The following TCF7L1 variants were observed in gnomAD, a reference collection of about 807,000 sequenced individuals.
TCF7L1 encodes the protein transcription factor 7-like 1.
Under a neutral mutation model 63.7 loss-of-function variants are expected in TCF7L1, and 18 were observed. The observed-to-expected ratio is 0.28, with a 90% confidence interval of 0.20 to 0.42. The LOEUF (loss-of-function observed/expected upper bound fraction) is 0.42, where lower values mean the gene tolerates loss of function less well. Among genes scored for constraint, TCF7L1 ranks in the 10% least tolerant of loss-of-function variants. The pLI is 1.00. For synonymous variants in TCF7L1, 355 were observed against 340.9 expected, an observed-to-expected ratio of 1.04 and a Z score of -0.46; for missense variants, 654 against 779.3, an observed-to-expected ratio of 0.84 and a Z score of 1.91.
intron 3 of TCF7L1, among the ~76,000 whole-genome samples, chr2:85,161,144 T>C (rs1678277162): frequency 6.6e-6 from 1 of 152,128 alleles, no homozygotes; most frequent in Admixed American, 6.5e-5. Context: ...CTGTAACAGC[T>C]TCAACGCATG....
chr2:85,156,522 C>T (rs1678150099), intron 3 of TCF7L1, among the ~76,000 whole-genome samples: 1 of 152,132 alleles, frequency 6.6e-6, no homozygotes, highest in South Asian at 2.1e-4. Flanking sequence ...GGGGCCAGTG[C>T]GTTTATGCAC....
At chr2:85,136,510 C>T (rs906586804) in intron 3 of TCF7L1, among the ~76,000 whole-genome samples, 6 of 152,206 alleles carry the variant, frequency 3.9e-5, no homozygotes, top group Non-Finnish European at 7.3e-5. Flanking sequence ...CCTTGTTCAT[C>T]TCTGCAGTTG....
chr2:85,273,526 G>T (rs141172334), intron 3 of TCF7L1, among the ~76,000 whole-genome samples: 1 of 152,242 alleles, frequency 6.6e-6, no homozygotes, highest in African/African-American at 2.4e-5. Flanking sequence ...GTATGGGCAA[G>T]GGTGTGGGGA....
chr2:85,158,946 T>C (rs917022057), intron 3 of TCF7L1, among the ~76,000 whole-genome samples: 14 of 152,148 alleles, frequency 9.2e-5, no homozygotes, highest in Non-Finnish European at 1.8e-4. Context: ...AGAATGTGTC[T>C]TTAAATCTAC....
intron 3 of TCF7L1, among the ~76,000 whole-genome samples, chr2:85,161,087 C>A (rs1174416593): frequency 2.0e-5 from 3 of 152,150 alleles, no homozygotes; most frequent in Non-Finnish European, 4.4e-5. Context: ...TTACCGTATG[C>A]CTTGTCCTCA....
Position 85,134,480 on chromosome 2 carries a change from G to C in TCF7L1, c.441+30G>C. 1.3e-6 allele frequency: 2 copies of C among 1,545,510 alleles called. No homozygotes were observed. The highest frequency in any genetic ancestry group is 1.7e-6 in the Non-Finnish European group (2 of 1,144,478). On this transcript the variant is annotated intron_variant, in intron 3 of 11. Transcript: ENST00000282111. This position sits in a 1 kb window ranked among gnomAD's most constrained non-coding sequence, Gnocchi z 5.0. ...GTGCCCGTCGGGCGCGCCGGGGAGG[G>C]TGGGAGGCCGCGGCCCGCAGGATGC...
rs1558664274 is a variant in TCF7L1, at chr2:85,309,750, G to A, written c.*288G>A. The A allele has an allele frequency of 1.4e-5, 5 of 349,930 alleles. No individual in the cohort carries two copies. The highest frequency in any genetic ancestry group is 6.3e-5 in the African/African-American group (3 of 47,534). 21.7% of individuals were successfully genotyped at this position (349,930 alleles called of 1,614,324 possible). A position where few individuals can be genotyped will look rare whatever the true frequency, so the allele number is the denominator to read the frequency against. Reference sequence around the variant, plus strand: ...CTGTGGTGGATGGACCTGGGCAGAGGGCACTTCTCTCTCTTACCTCTCTTG... The same window carrying A: ...CTGTGGTGGATGGACCTGGGCAGAGAGCACTTCTCTCTCTTACCTCTCTTG... On this transcript the variant is annotated 3_prime_UTR_variant, in exon 12 of 12. Transcript: ENST00000282111.
At position 85,236,968 on chromosome 2, in the gene TCF7L1, A is replaced by G. The variant is rs373331721; in HGVS notation, c.442-46527A>G. ...CCTCAGACCCCAGGTCACTGTCGTA[A>G]GCTCTTTTCTTGGAACTCTGATCTC... On this transcript the variant is annotated intron_variant, in intron 3 of 11. Transcript: ENST00000282111. 2.6e-5 allele frequency among the ~76,000 whole-genome samples: 4 copies of G among 152,228 alleles called. No individual in the cohort carries two copies. The East Asian group carries it at 7.7e-4, about 29-fold the overall frequency.
At chr2:85,137,226 G>A (rs904412550) in intron 3 of TCF7L1, among the ~76,000 whole-genome samples, 1 of 152,192 alleles carries the variant, frequency 6.6e-6, no homozygotes, top group African/African-American at 2.4e-5. Context: ...AGGAATAGCA[G>A]GCAGGAGGCT....
intron 3 of TCF7L1, among the ~76,000 whole-genome samples, chr2:85,275,102 C>G (rs538560683): frequency 6.6e-6 from 1 of 152,230 alleles, no homozygotes; most frequent in Non-Finnish European, 1.5e-5. Flanking sequence ...TCAACACGGT[C>G]GGCACTCCCA....
chr2:85,214,727 C>T (rs1236547794), intron 3 of TCF7L1, among the ~76,000 whole-genome samples: 2 of 152,082 alleles, frequency 1.3e-5, no homozygotes, highest in Middle Eastern at 3.2e-3. Context: ...TGTGGGGAAT[C>T]GCTCTGAACC....
At chr2:85,279,745 T>C (rs1016029951) in intron 3 of TCF7L1, among the ~76,000 whole-genome samples, 5 of 151,778 alleles carry the variant, frequency 3.3e-5, no homozygotes, top group Non-Finnish European at 7.4e-5. Context: ...CCTCCCAGAG[T>C]GAGTCCCTCC....
chr2:85,186,886 G>A (rs560291571), intron 3 of TCF7L1: 1 of 152,260 alleles, frequency 6.6e-6, no homozygotes, highest in East Asian at 1.9e-4. Flanking sequence ...TACTAATGAG[G>A]AAAGGTAAAC....
intron 3 of TCF7L1, among the ~76,000 whole-genome samples, chr2:85,212,218 ACCC>A (rs1679570126): frequency 6.6e-6 from 1 of 151,068 alleles, no homozygotes. Flanking sequence ...GGCTGTGGCC[ACCC>A]CTCCTGCAGA....
intron 3 of TCF7L1, among the ~76,000 whole-genome samples, chr2:85,212,855 TGGGGTCCAAACAGA>T (rs899082327): frequency 2.0e-5 from 3 of 152,116 alleles, no homozygotes; most frequent in Non-Finnish European, 4.4e-5. Flanking sequence ...AAGGTCACTG[TGGGGTCCAAACAGA>T]GACATGGGGA....
chr2:85,304,434 C>A, intron 7 of TCF7L1, 96 bp downstream of exon 7: 2 of 1,249,058 alleles, frequency 1.6e-6, no homozygotes, highest in Non-Finnish European at 2.3e-6. Context: ...AATGAGCAGG[C>A]ACAGGGCTCA....
At chr2:85,180,210 GTTTTTT>G (rs573746276) in intron 3 of TCF7L1, among the ~76,000 whole-genome samples, 1 of 144,504 alleles carries the variant, frequency 6.9e-6, no homozygotes, top group African/African-American at 2.5e-5. Context: ...CTGCAAAGTG[GTTTTTT>G]TTTTTGTTTT....
chr2:85,214,367 A>C (rs1679644099), intron 3 of TCF7L1, among the ~76,000 whole-genome samples: 1 of 152,190 alleles, frequency 6.6e-6, no homozygotes, highest in African/African-American at 2.4e-5. Context: ...AGGAGGAGTT[A>C]GGGATGTTGT....
intron 3 of TCF7L1, among the ~76,000 whole-genome samples, chr2:85,218,855 G>A (rs139571646): frequency 1.2e-3 from 188 of 152,170 alleles, no homozygotes; most frequent in Non-Finnish European, 1.2e-3. Flanking sequence ...TGTGATGGAC[G>A]GGCATAATGG....
Sources: gnomAD v4.1 joint callset for allele counts (sites outside exome capture counted in the v4.1 genomes callset) on GRCh38, gnomAD v4.1.1 for gene constraint, Gnocchi (gnomAD v3.1) non-coding constraint, MANE v1.5 for transcripts, NCBI Gene and HGNC (gene_info 2026-07-23, HGNC 2026-07-21) for gene names.